The following ENOX1 variants were observed in gnomAD, a reference collection of about 807,000 sequenced individuals.
ENOX1 encodes the protein candidate growth-related and time keeping constitutive hydroquinone (NADH) oxidase.
Under a neutral mutation model 82.5 loss-of-function variants are expected in ENOX1, and 42 were observed. That is an observed-to-expected ratio of 0.51 (90% CI 0.40 to 0.66). ENOX1 has a LOEUF of 0.66. ENOX1 is among the 30% of genes least tolerant of loss of function. The pLI, the probability that ENOX1 is intolerant of heterozygous loss-of-function variation, is 0.00. For missense variants in ENOX1, 608 were observed against 811.6 expected, an observed-to-expected ratio of 0.75 and a Z score of 3.05; for synonymous variants, 271 against 282.2, an observed-to-expected ratio of 0.96 and a Z score of 0.40.
At chr13:43,518,666 T>C (rs772975794) in intron 2 of ENOX1, among the ~76,000 whole-genome samples, 5 of 152,124 alleles carry the variant, frequency 3.3e-5, no homozygotes, top group Non-Finnish European at 5.9e-5. Flanking sequence ...TTAAACTCCA[T>C]TTAACCATTG....
intron 3 of ENOX1, among the ~76,000 whole-genome samples, chr13:43,466,114 G>A (rs1398237337): frequency 6.6e-6 from 1 of 152,006 alleles, no homozygotes; most frequent in Non-Finnish European, 1.5e-5. Flanking sequence ...ACCACTTGTA[G>A]CCCTAGGCTC....
At chr13:43,750,381 G>A (rs1426272448) in intron 1 of ENOX1, among the ~76,000 whole-genome samples, 2 of 152,112 alleles carry the variant, frequency 1.3e-5, no homozygotes, top group Non-Finnish European at 2.9e-5. Flanking sequence ...TTCCAGCTGA[G>A]GGATTAATAG....
intron 1 of ENOX1, among the ~76,000 whole-genome samples, chr13:43,707,747 A>AAC (rs1483983616): frequency 6.7e-6 from 1 of 149,638 alleles, no homozygotes; most frequent in Non-Finnish European, 1.5e-5. Context: ...AAAAAAAAAA[A>AAC]AAAAAAAAAC....
rs773432698 is a variant in ENOX1, at chr13:43,726,998, T to C, written c.-284-59454A>G. 2.0e-5 allele frequency among the ~76,000 whole-genome samples: 3 copies of C among 152,170 alleles called. No individual in the cohort carries two copies. The East Asian group carries it at 5.8e-4, about 29-fold the overall frequency. On this transcript the variant is annotated intron_variant, in intron 1 of 16. Coordinates refer to ENST00000690772, the MANE Select transcript of ENOX1 (RefSeq NM_001347969.2). ...CTCAAGTGATCCACCCACCTTGGCC[T>C]CCCAAACTGCTGGGATTACAGGCGT...
At chr13:43,401,532 A>G (rs1270929568) in intron 5 of ENOX1, among the ~76,000 whole-genome samples, 1 of 152,198 alleles carries the variant, frequency 6.6e-6, no homozygotes, top group Non-Finnish European at 1.5e-5. Context: ...ATTTCAGGGC[A>G]GAGTACAAGA....
intron 1 of ENOX1, among the ~76,000 whole-genome samples, chr13:43,675,214 C>T (rs2153793115): frequency 1.3e-5 from 2 of 152,256 alleles, no homozygotes; most frequent in Admixed American, 1.3e-4. Context: ...GTAGTAGCAA[C>T]AGAGCAGCAG....
chr13:43,351,789 G>A (rs2049824357), intron 8 of ENOX1, among the ~76,000 whole-genome samples: 1 of 151,334 alleles, frequency 6.6e-6, no homozygotes. Flanking sequence ...GTATTCCATG[G>A]TGTATATGTG....
chr13:43,328,855 C>T (rs190776274), intron 9 of ENOX1, among the ~76,000 whole-genome samples: 1 of 152,296 alleles, frequency 6.6e-6, no homozygotes, highest in East Asian at 1.9e-4. Context: ...ATCTGGATTC[C>T]TGTTAGCTAC....
At chr13:43,569,889 G>A (rs547432852) in intron 2 of ENOX1, among the ~76,000 whole-genome samples, 1 of 152,230 alleles carries the variant, frequency 6.6e-6, no homozygotes, top group East Asian at 1.9e-4. Context: ...CCACACCCTG[G>A]AAAAAGTTAA....
chr13:43,427,136 T>C (rs565776567), intron 3 of ENOX1, among the ~76,000 whole-genome samples: 13 of 152,292 alleles, frequency 8.5e-5, no homozygotes, highest in African/African-American at 3.1e-4. Context: ...ATATTATTGC[T>C]GATACATGTA....
At chr13:43,304,709 G>A (rs916931400) in intron 11 of ENOX1, among the ~76,000 whole-genome samples, 1 of 152,142 alleles carries the variant, frequency 6.6e-6, no homozygotes, top group African/African-American at 2.4e-5. Flanking sequence ...AGGCCTGGCT[G>A]GAACCACTTA....
chr13:43,439,786 G>A (rs7993844), intron 3 of ENOX1, among the ~76,000 whole-genome samples: 124,211 of 152,094 alleles, frequency 0.82, 51,265 homozygotes, highest in Non-Finnish European at 0.88. Flanking sequence ...TCACTATCGT[G>A]TATGTAAGCA....
chr13:43,435,338 T>G (rs1158547326), intron 3 of ENOX1, among the ~76,000 whole-genome samples: 1 of 152,174 alleles, frequency 6.6e-6, no homozygotes, highest in Non-Finnish European at 1.5e-5. Flanking sequence ...GGACTCATTC[T>G]CAGCAGTGTG....
intron 1 of ENOX1, among the ~76,000 whole-genome samples, chr13:43,717,450 C>T (rs906683280): frequency 2.0e-5 from 3 of 152,116 alleles, no homozygotes; most frequent in African/African-American, 7.2e-5. Flanking sequence ...TAGAAGAAAA[C>T]CTAGGAAATC....
intron 3 of ENOX1, among the ~76,000 whole-genome samples, chr13:43,478,550 A>G (rs1038762618): frequency 6.6e-6 from 1 of 152,090 alleles, no homozygotes; most frequent in African/African-American, 2.4e-5. Flanking sequence ...ACATAATGAA[A>G]GTCTTTTGAT....
At chr13:43,606,824 G>A (rs191575444) in intron 2 of ENOX1, among the ~76,000 whole-genome samples, 2 of 152,146 alleles carry the variant, frequency 1.3e-5, no homozygotes, top group East Asian at 3.9e-4. Flanking sequence ...AGACCAGCCT[G>A]GGCCACATGG....
chr13:43,486,381 C>T (rs1566353561), intron 2 of ENOX1, among the ~76,000 whole-genome samples: 1 of 144,652 alleles, frequency 6.9e-6, no homozygotes, highest in Non-Finnish European at 1.5e-5. Context: ...GAGACTCTCT[C>T]AAAAAAAAAA....
chr13:43,621,254 G>A (rs1393410585), intron 2 of ENOX1, among the ~76,000 whole-genome samples: 5 of 152,094 alleles, frequency 3.3e-5, no homozygotes, highest in Non-Finnish European at 7.4e-5. Context: ...TGAGATGTGA[G>A]GTACCATTGA....
Position 43,470,399 on chromosome 13 carries a change from T to C in ENOX1, c.-75+13610A>G, listed in dbSNP as rs1209101616. Among the ~76,000 whole-genome samples, 475 of 105,184 alleles carry C rather than the reference T, an allele frequency of 4.5e-3. 90 individuals are homozygous for C. Among genetic ancestry groups the C allele is most frequent in the African/African-American group, 0.016 (447 of 28,104 alleles). The allele number at this position is 105,184 out of a possible 152,430, so 69.0% of individuals were successfully genotyped here. ...ATACATATATATACGTATATATATG[T>C]GTATATATATATATATATAACAGAG... is the stretch of plus-strand genomic sequence containing the variant. On this transcript the variant is annotated intron_variant, in intron 3 of 16. Transcript: ENST00000690772.
Sources: allele counts gnomAD v4.1 joint callset (sites outside exome capture counted in the v4.1 genomes callset), GRCh38; gene constraint gnomAD v4.1.1; transcripts MANE v1.5; gene names NCBI Gene and HGNC (gene_info 2026-07-23, HGNC 2026-07-21).